Variants in NCAPD2 observed in about 807,000 individuals in gnomAD.
The protein encoded by NCAPD2 is non-SMC condensin I complex subunit D2.
In NCAPD2, 100 loss-of-function variants were observed where a neutral mutation model predicts 164.5. The observed-to-expected ratio is 0.61, with a 90% confidence interval of 0.52 to 0.72. The LOEUF (loss-of-function observed/expected upper bound fraction) is 0.72. Ranked by LOEUF, NCAPD2 falls within the 30% of genes least tolerant of loss-of-function variation. The pLI, the probability that NCAPD2 is intolerant of heterozygous loss-of-function variation, is 0.00. For synonymous variants in NCAPD2, 585 were observed against 642.6 expected (o/e 0.91, Z 1.36); for missense variants, 1,560 against 1,749.2 (o/e 0.89, Z 1.93).
Position 6,522,018 on chromosome 12 carries a change from G to A in NCAPD2, c.1935G>A (p.Met645Ile). 1 of 1,614,160 alleles carries A rather than the reference G, an allele frequency of 6.2e-7. No homozygotes were observed. The highest frequency in any genetic ancestry group is 1.1e-5 in the South Asian group (1 of 91,082). Residue 645 changes from methionine (M) to isoleucine (I), a missense_variant, in exon 15 of 32, where the codon ATG becomes ATA. Met to Ile is a conservative substitution (Grantham distance 10). Transcript: ENST00000315579. ...CCATTGGCATCATCAGCAAGATGAT[G>A]TATGAAAACACAACTACAGGTATGC... ...TEAIGIISKM[M>I]YENTTTVVQE...
chr12:6,512,272 C>CAAAAA (rs35978725), intron 6 of NCAPD2, among the ~76,000 whole-genome samples: 1 of 87,380 alleles, frequency 1.1e-5, no homozygotes, highest in Non-Finnish European at 2.2e-5. Context: ...ACTCCATCTC[C>CAAAAA]AAAAAAAAAA....
At chr12:6,500,232 G>C (rs1042979015) in intron 2 of NCAPD2, among the ~76,000 whole-genome samples, 1 of 152,030 alleles carries the variant, frequency 6.6e-6, no homozygotes, top group African/African-American at 2.4e-5. Flanking sequence ...GACCAGCTTG[G>C]GCAACATAGT....
chr12:6,514,818 A>G lies in NCAPD2; in HGVS notation c.885A>G (p.Ser295=), dbSNP rs749617717. The G allele has an allele frequency of 1.5e-5, 25 of 1,614,138 alleles. No individual in the cohort carries two copies. Among genetic ancestry groups the G allele is most frequent in the Middle Eastern group, 1.6e-4 (1 of 6,084 alleles). ...KCPQELSRDP[S]GTKGFAAFLT... is the part of the protein sequence containing the mutation. ...CCCAAGAGCTGAGTCGAGACCCTTC[A>G]GGGACAAAGGGCTTTGCAGCATTCC... Residue 295 remains serine, a synonymous_variant, in exon 9 of 32, where the codon TCA becomes TCG. Coordinates refer to ENST00000315579, the MANE Select transcript of NCAPD2 (RefSeq NM_014865.4).
At chr12:6,529,269 G>A in intron 27 of NCAPD2, 1 of 613,126 alleles carries the variant, frequency 1.6e-6, no homozygotes, top group Non-Finnish European at 2.9e-6. Context: ...CAGACATACA[G>A]TAGCACTCAC....
chr12:6,522,781 G>T (rs1314510526), intron 15 of NCAPD2, 47 bp from the exon 16 acceptor site: 1 of 1,597,544 alleles, frequency 6.3e-7, no homozygotes. Context: ...TAGGTATTGG[G>T]GGAGTTTTGT....
intron 2 of NCAPD2, 115 bp from the exon 3 acceptor site, chr12:6,509,602 C>A: frequency 1.0e-6 from 1 of 977,010 alleles, no homozygotes; most frequent in Non-Finnish European, 1.6e-6. Flanking sequence ...AACTGTTTGT[C>A]TCTTTTTTGT....
At position 6,528,311 on chromosome 12, in the gene NCAPD2, T is replaced by C; in HGVS notation, c.3282T>C (p.Thr1094=). 1 of 1,613,782 alleles carries C rather than the reference T, an allele frequency of 6.2e-7. No individual in the cohort carries two copies. The highest frequency in any genetic ancestry group is 2.2e-5 in the East Asian group (1 of 44,886). Residue 1094 remains threonine, a synonymous_variant, in exon 25 of 32, where the codon ACT becomes ACC. Transcript: ENST00000315579. The surrounding 1 kb of genome is among the most constrained non-coding windows in gnomAD (Gnocchi z 5.1). The part of the protein sequence containing the change: ...IRFPNLVDPW[T]PHLYARLRDP... ...TTCCCAATCTGGTGGACCCCTGGAC[T>C]CCTCATCTGTATGCTCGGTAAGAGA...
intron 2 of NCAPD2, among the ~76,000 whole-genome samples, chr12:6,501,945 G>A (rs1946042082): frequency 6.6e-6 from 1 of 152,198 alleles, no homozygotes; most frequent in African/African-American, 2.4e-5. Flanking sequence ...GAGATGGTGG[G>A]GGCAAAAGCC....
rs140144698 is a variant in NCAPD2 at position 6,506,678 on chromosome 12, T to C, written c.128-3039T>C. The stretch of plus-strand genomic sequence containing the variant: ...ATAAATTTTATGCGTTCATGACATA[T>C]GTAGCTTTAAAAAAAAATTAGCCAG... On this transcript the variant is annotated intron_variant, in intron 2 of 31. Transcript: ENST00000315579. Among the ~76,000 whole-genome samples the C allele has an allele frequency of 9.5e-4, 144 of 152,092 alleles. 1 individual carries two copies. The highest frequency in any genetic ancestry group is 3.3e-3 in the African/African-American group (136 of 41,472).
At chr12:6,511,003 A>G in intron 5 of NCAPD2, 107 bp from the exon 6 acceptor site, 2 of 1,344,360 alleles carry the variant, frequency 1.5e-6, no homozygotes, top group Admixed American at 2.2e-5. Context: ...CTTCCGTATT[A>G]CCTTCTATGT....
Position 6,531,587 on chromosome 12 carries a change from C to A in NCAPD2, c.*175C>A. The A allele has an allele frequency of 7.4e-7, 1 of 1,354,498 alleles. No individual in the cohort carries two copies. The highest frequency in any genetic ancestry group is 1.5e-5 in the African/African-American group (1 of 67,880). The allele number at this position is 1,354,498 out of a possible 1,614,324, so 83.9% of individuals were successfully genotyped here. ...TTGCGATACCAAGGCGGGTGGATAA[C>A]CTGAGGTAGGGAGTTCGAGACCAGC... On this transcript the variant is annotated 3_prime_UTR_variant, in exon 32 of 32. Coordinates refer to ENST00000315579, the MANE Select transcript of NCAPD2 (RefSeq NM_014865.4). The surrounding 1 kb of genome is among the most constrained non-coding windows in gnomAD (Gnocchi z 4.1).
chr12:6,530,237 T>G (rs1946358822), intron 29 of NCAPD2, among the ~76,000 whole-genome samples: 1 of 152,242 alleles, frequency 6.6e-6, no homozygotes, highest in Non-Finnish European at 1.5e-5. Context: ...CAAAGCAAAA[T>G]TGAGCAGAAA....
In NCAPD2 at chr12:6,513,506, C is replaced by G. The variant is rs554363060; in HGVS notation, c.588-759C>G. ...CTCCAGCCTGGGCAACAGAGGCAGA[C>G]CCTGTCTCAAAAAAAAGAGTCTGAG... is the stretch of plus-strand genomic sequence containing the variant. On this transcript the variant is annotated intron_variant, in intron 6 of 31. Transcript: ENST00000315579. Among the ~76,000 whole-genome samples, 4 of 151,976 alleles carry G rather than the reference C, an allele frequency of 2.6e-5. No individual in the cohort carries two copies. The South Asian group carries it at 8.3e-4, about 32-fold the overall frequency.
Position 6,495,621 on chromosome 12 carries a change from A to G in NCAPD2, c.127+396A>G, listed in dbSNP as rs916600595. ...TTTTTGGAGTCTTTTTGGATGTGCA[A>G]TTATGGGGACAAAAACCCATAATAT... is the stretch of plus-strand genomic sequence containing the variant. On this transcript the variant is annotated intron_variant, in intron 2 of 31. Coordinates refer to ENST00000315579, the MANE Select transcript of NCAPD2 (RefSeq NM_014865.4). 2.0e-5 allele frequency among the ~76,000 whole-genome samples: 3 copies of G among 152,158 alleles called. No individual in the cohort carries two copies. The East Asian group carries it at 5.8e-4, about 29-fold the overall frequency.
At chr12:6,499,147 C>T (rs1450852522) in intron 2 of NCAPD2, among the ~76,000 whole-genome samples, 2 of 152,080 alleles carry the variant, frequency 1.3e-5, no homozygotes, top group Non-Finnish European at 2.9e-5. Flanking sequence ...AGATTTTATG[C>T]TACTCAGAAT....
At chr12:6,499,099 T>C (rs766669582) in intron 2 of NCAPD2, among the ~76,000 whole-genome samples, 12 of 152,104 alleles carry the variant, frequency 7.9e-5, no homozygotes, top group African/African-American at 1.2e-4. Flanking sequence ...GACAAAGGGA[T>C]GGTTCACATC....
At chr12:6,529,089 G>A in intron 27 of NCAPD2, 50 bp downstream of exon 27, 1 of 1,511,058 alleles carries the variant, frequency 6.6e-7, no homozygotes, top group Non-Finnish European at 9.2e-7. Context: ...CACGGGCTTA[G>A]GAATCAGACA....
chr12:6,503,008 C>CTTTTTT (rs58563520), intron 2 of NCAPD2, among the ~76,000 whole-genome samples: 7 of 86,296 alleles, frequency 8.1e-5, no homozygotes, highest in Non-Finnish European at 1.4e-4. Context: ...CCACACCTGG[C>CTTTTTT]TTTTTTTTTT....
intron 2 of NCAPD2, among the ~76,000 whole-genome samples, chr12:6,506,674 C>A (rs2137042902): frequency 6.6e-6 from 1 of 151,704 alleles, no homozygotes; most frequent in South Asian, 2.1e-4. Flanking sequence ...GCGTTCATGA[C>A]ATATGTAGCT....
Sources: allele counts gnomAD v4.1 joint callset (sites outside exome capture counted in the v4.1 genomes callset), GRCh38; gene constraint gnomAD v4.1.1; non-coding constraint Gnocchi (gnomAD v3.1); transcripts MANE v1.5; gene names NCBI Gene and HGNC (gene_info 2026-07-23, HGNC 2026-07-21).